Variants in CRTAC1 observed in about 807,000 individuals in gnomAD.
The protein encoded by CRTAC1 is cartilage acidic protein 1, also known as acidic secreted protein in cartilage.
CRTAC1 carries 37 observed loss-of-function variants against 67.8 expected under a neutral mutation model. The observed-to-expected ratio is 0.55, with a 90% CI of 0.42 to 0.72. The LOEUF (loss-of-function observed/expected upper bound fraction) is 0.72, where lower values mean the gene tolerates loss of function less well. Among genes scored for constraint, CRTAC1 ranks in the 30% least tolerant of loss-of-function variants. The pLI, the probability that CRTAC1 is intolerant of heterozygous loss-of-function variation, is 0.00. For missense variants in CRTAC1, 780 were observed against 931.6 expected (o/e 0.84, Z 2.12); for synonymous variants, 348 against 371.0 (o/e 0.94, Z 0.71).
intron 13 of CRTAC1, among the ~76,000 whole-genome samples, chr10:97,882,373 A>C (rs2050226798): frequency 6.6e-6 from 1 of 152,132 alleles, no homozygotes. Context: ...CACTGTGACC[A>C]CACTCCATAC....
At chr10:98,022,881 G>T (rs1283873318) in intron 1 of CRTAC1, among the ~76,000 whole-genome samples, 1 of 152,138 alleles carries the variant, frequency 6.6e-6, no homozygotes, top group Non-Finnish European at 1.5e-5. Flanking sequence ...AACATCCTGG[G>T]GCCAGGGGTG....
At chr10:98,005,353 C>G (rs1842770609) in intron 2 of CRTAC1, among the ~76,000 whole-genome samples, 1 of 150,686 alleles carries the variant, frequency 6.6e-6, no homozygotes, top group African/African-American at 2.4e-5. Context: ...GATCCACCTG[C>G]CTCGGCCTCC....
intron 2 of CRTAC1, among the ~76,000 whole-genome samples, chr10:97,942,406 C>A (rs2051189306): frequency 6.6e-6 from 1 of 152,102 alleles, no homozygotes; most frequent in Non-Finnish European, 1.5e-5. Flanking sequence ...CATCAATTCC[C>A]AAAATATTAA....
intron 11 of CRTAC1, among the ~76,000 whole-genome samples, chr10:97,889,939 A>G (rs2050343440): frequency 6.6e-6 from 1 of 152,122 alleles, no homozygotes; most frequent in South Asian, 2.1e-4. Flanking sequence ...TCTCACCCCA[A>G]CTGCTCAGAA....
chr10:98,029,488 AGCAGCGGCGGCGGCGGCG>A lies in CRTAC1; in HGVS notation c.24+943_24+960del, dbSNP rs1254200571. ...CACACTGGGTGCACCCACCAGCAGC[AGCAGCGGCGGCGGCGGCG>A]GCGGCGGCGGCGGCGGCGGCGGCAG... On this transcript the variant is annotated intron_variant, in intron 1 of 14. Coordinates refer to ENST00000370597, the MANE Select transcript of CRTAC1 (RefSeq NM_018058.7). The surrounding 1 kb of genome is among the most constrained non-coding windows in gnomAD (Gnocchi z 4.7). 3.3e-5 allele frequency among the ~76,000 whole-genome samples: 4 copies of A among 122,734 alleles called. No homozygotes were observed. The highest frequency in any genetic ancestry group is 5.3e-5 in the Non-Finnish European group (3 of 56,494). The allele number at this position is 122,734 out of a possible 152,430, so 80.5% of individuals were successfully genotyped here. A position where few individuals can be genotyped will look rare whatever the true frequency, so the allele number is the denominator to read the frequency against.
chr10:98,024,746 CTTTTTTTTTTTTTTT>C (rs749919406), intron 1 of CRTAC1, among the ~76,000 whole-genome samples: 6 of 65,024 alleles, frequency 9.2e-5, no homozygotes, highest in Admixed American at 3.9e-4. Context: ...TTATATTATC[CTTTTTTTTTTTTTTT>C]TTTTTTTTTT....
chr10:98,020,885 A>G (rs1843104658), intron 1 of CRTAC1, among the ~76,000 whole-genome samples: 1 of 152,204 alleles, frequency 6.6e-6, no homozygotes, highest in Admixed American at 6.5e-5. Context: ...GTGGTGTGTT[A>G]GAAGGAATAC....
Position 97,882,687 on chromosome 10 carries a change from C to G in CRTAC1, c.1675+99G>C, listed in dbSNP as rs1021090214. On this transcript the variant is annotated intron_variant, in intron 13 of 14. Transcript: ENST00000370597. ...ACACCCTCCCCTGTCCTCCTTTCTG[C>G]CCCTTGCTTGCACCCTGGACCTTGG... The G allele has an allele frequency of 7.7e-6, 10 of 1,296,922 alleles. No homozygotes were observed. The South Asian group carries it at 1.2e-4, about 16-fold the overall frequency. The allele number at this position is 1,296,922 out of a possible 1,614,324, so 80.3% of individuals were successfully genotyped here.
At chr10:97,869,921 C>G (rs968737159) in intron 14 of CRTAC1, 1 of 152,286 alleles carries the variant, frequency 6.6e-6, no homozygotes, top group Non-Finnish European at 1.5e-5. Context: ...TGGGCTTTAC[C>G]ATTCACCCAG....
chr10:97,994,893 G>T (rs1842526205), intron 2 of CRTAC1, among the ~76,000 whole-genome samples: 1 of 152,182 alleles, frequency 6.6e-6, no homozygotes, highest in Admixed American at 6.5e-5. Flanking sequence ...ACCTTATCCT[G>T]TGTGAGGAGC....
chr10:97,963,210 C>T (rs1290963380), intron 2 of CRTAC1, among the ~76,000 whole-genome samples: 2 of 152,154 alleles, frequency 1.3e-5, no homozygotes, highest in African/African-American at 2.4e-5. Context: ...CGTCCCAACC[C>T]TCCCTACTTG....
At chr10:97,887,386 G>A (rs1161514299) in intron 11 of CRTAC1, among the ~76,000 whole-genome samples, 2 of 152,114 alleles carry the variant, frequency 1.3e-5, no homozygotes, top group East Asian at 3.9e-4. Context: ...TGGGATTACA[G>A]GCACCTGCCA....
intron 2 of CRTAC1, among the ~76,000 whole-genome samples, chr10:97,937,278 G>A (rs986254210): frequency 3.9e-5 from 6 of 151,948 alleles, no homozygotes; most frequent in Admixed American, 6.6e-5. Context: ...CATCCACACC[G>A]CTGGCTCCCT....
intron 14 of CRTAC1, 96 bp from the exon 15 acceptor site, chr10:97,865,810 C>T: frequency 1.5e-6 from 1 of 686,564 alleles, no homozygotes. Context: ...TGGGCTCACC[C>T]TGCTGCCCGG....
intron 4 of CRTAC1, among the ~76,000 whole-genome samples, chr10:97,922,816 T>C (rs888730320): frequency 5.3e-5 from 8 of 152,230 alleles, no homozygotes; most frequent in African/African-American, 1.9e-4. Context: ...CCATTGTGCC[T>C]TCATTTATTC....
At chr10:97,995,160 T>C (rs528880473) in intron 2 of CRTAC1, among the ~76,000 whole-genome samples, 16 of 152,354 alleles carry the variant, frequency 1.1e-4, no homozygotes, top group African/African-American at 3.6e-4. Context: ...CAGTGGATGG[T>C]ATCATCTGTG....
At chr10:98,001,898 G>A (rs1340451052) in intron 2 of CRTAC1, among the ~76,000 whole-genome samples, 2 of 152,262 alleles carry the variant, frequency 1.3e-5, no homozygotes, top group Non-Finnish European at 2.9e-5. Flanking sequence ...GAAGGGATGT[G>A]TGAAGAAAAA....
intron 2 of CRTAC1, among the ~76,000 whole-genome samples, chr10:98,002,800 A>G (rs1401478515): frequency 8.5e-5 from 2 of 23,476 alleles, no homozygotes; most frequent in Admixed American, 6.2e-4. Context: ...TTTTTTTTTG[A>G]GAGAGTCTGT....
intron 1 of CRTAC1, among the ~76,000 whole-genome samples, chr10:98,017,522 T>C (rs1843023351): frequency 6.6e-6 from 1 of 152,118 alleles, no homozygotes; most frequent in South Asian, 2.1e-4. Context: ...GAAGAATTGT[T>C]TTTTAATAAT....
Sources: gnomAD v4.1 joint callset for allele counts (sites outside exome capture counted in the v4.1 genomes callset) on GRCh38, gnomAD v4.1.1 for gene constraint, Gnocchi (gnomAD v3.1) non-coding constraint, MANE v1.5 for transcripts, NCBI Gene and HGNC (gene_info 2026-07-23, HGNC 2026-07-21) for gene names.